Variants in KCND3 observed in about 807,000 individuals in gnomAD.
KCND3 encodes potassium voltage-gated channel subfamily D member 3, also known as A-type voltage-gated potassium channel KCND3.
KCND3 carries 9 observed loss-of-function variants against 51.1 expected under a neutral mutation model. The ratio of observed to expected loss-of-function variants is 0.18; its 90% CI spans 0.11 to 0.31. The LOEUF is 0.31. Ranked by LOEUF, KCND3 falls within the 10% of genes least tolerant of loss-of-function variation. The pLI is 1.00. For synonymous variants in KCND3, 349 were observed against 368.0 expected, an observed-to-expected ratio of 0.95 and a Z score of 0.59; for missense variants, 526 against 903.8, an observed-to-expected ratio of 0.58 and a Z score of 5.36.
intron 2 of KCND3, among the ~76,000 whole-genome samples, chr1:111,913,049 C>A (rs1387441638): frequency 2.0e-5 from 3 of 152,206 alleles, no homozygotes; most frequent in Admixed American, 6.5e-5. Flanking sequence ...TCACCCAGAG[C>A]AACTTCCAGT....
At chr1:111,855,648 G>T (rs1353129225) in intron 2 of KCND3, among the ~76,000 whole-genome samples, 10 of 152,088 alleles carry the variant, frequency 6.6e-5, no homozygotes, top group Non-Finnish European at 1.5e-4. Flanking sequence ...TCTCTATATG[G>T]GTCTAGGAGG....
chr1:111,803,794 A>C (rs1357701834), intron 2 of KCND3, among the ~76,000 whole-genome samples: 1 of 152,168 alleles, frequency 6.6e-6, no homozygotes, highest in Non-Finnish European at 1.5e-5. Context: ...ATACATTTGA[A>C]ATTTTCCATA....
At chr1:111,878,063 A>C (rs915059382) in intron 2 of KCND3, among the ~76,000 whole-genome samples, 1 of 152,238 alleles carries the variant, frequency 6.6e-6, no homozygotes, top group African/African-American at 2.4e-5. Context: ...CAACTTGCCC[A>C]AGGTCACACA....
intron 2 of KCND3, among the ~76,000 whole-genome samples, chr1:111,979,185 G>A (rs902952722): frequency 5.9e-5 from 9 of 152,146 alleles, no homozygotes; most frequent in African/African-American, 2.2e-4. Flanking sequence ...CCTAGTGCAG[G>A]CACCTTTCCT....
chr1:111,811,660 T>C (rs1000681577), intron 2 of KCND3, among the ~76,000 whole-genome samples: 10 of 152,236 alleles, frequency 6.6e-5, no homozygotes, highest in Non-Finnish European at 1.3e-4. Flanking sequence ...CCATGGACTC[T>C]CTGCCTCTCC....
intron 2 of KCND3, among the ~76,000 whole-genome samples, chr1:111,867,000 T>A (rs1668608560): frequency 6.6e-6 from 1 of 152,174 alleles, no homozygotes; most frequent in Non-Finnish European, 1.5e-5. Context: ...AAAATATTTT[T>A]TATTGCTTTT....
chr1:111,789,269 T>G (rs1471783174), intron 2 of KCND3, among the ~76,000 whole-genome samples: 2 of 152,222 alleles, frequency 1.3e-5, no homozygotes, highest in Non-Finnish European at 2.9e-5. Flanking sequence ...GGTCTGCTAG[T>G]GACAGATGAC....
chr1:111,790,020 G>A (rs1162206852), intron 2 of KCND3, among the ~76,000 whole-genome samples: 2 of 152,298 alleles, frequency 1.3e-5, no homozygotes, highest in South Asian at 2.1e-4. Context: ...ATGTTAAAAT[G>A]TCTCCTTTAA....
At chr1:111,777,377 G>A in intron 6 of KCND3, 104 bp from the exon 7 acceptor site, 2 of 1,270,436 alleles carry the variant, frequency 1.6e-6, no homozygotes, top group Non-Finnish European at 2.3e-6. Context: ...GACCTTGAAG[G>A]AAGGGCTCCC....
chr1:111,812,748 A>AGCTAAG (rs1216069293), intron 2 of KCND3, among the ~76,000 whole-genome samples: 1 of 152,314 alleles, frequency 6.6e-6, no homozygotes, highest in East Asian at 1.9e-4. Context: ...TGAGTATCTG[A>AGCTAAG]GCTAAAGCCC....
At chr1:111,787,628 G>C (rs1664661247) in intron 2 of KCND3, among the ~76,000 whole-genome samples, 1 of 152,214 alleles carries the variant, frequency 6.6e-6, no homozygotes, top group African/African-American at 2.4e-5. Flanking sequence ...GCAGGGGCCA[G>C]ATCATGCAGC....
rs755994176 is a variant in KCND3 at position 111,982,637 on chromosome 1, G to A, written c.90C>T (p.Ala30=). The A allele has an allele frequency of 1.2e-6, 2 of 1,613,770 alleles. No individual in the cohort carries two copies. Among genetic ancestry groups the A allele is most frequent in the South Asian group, 2.2e-5 (2 of 91,054 alleles). ...MPVANCPMPL[A]PADKNKRQDE... is the part of the protein sequence containing the mutation. Reference sequence around the variant, plus strand: ...CCTGCCGCTTGTTCTTGTCGGCCGGGGCCAGGGGCATGGGGCAGTTGGCCA... The same window carrying A: ...CCTGCCGCTTGTTCTTGTCGGCCGGAGCCAGGGGCATGGGGCAGTTGGCCA... Residue 30 remains alanine (A), a synonymous_variant, in exon 2 of 8, where the codon GCC becomes GCT. Transcript: ENST00000302127. The surrounding 1 kb of genome is among the most constrained non-coding windows in gnomAD (Gnocchi z 8.5).
chr1:111,948,802 G>A (rs1672914550), intron 2 of KCND3, among the ~76,000 whole-genome samples: 1 of 152,064 alleles, frequency 6.6e-6, no homozygotes, highest in Non-Finnish European at 1.5e-5. Flanking sequence ...GAGGGACAGG[G>A]AAGTGGGGAA....
chr1:111,881,044 A>G (rs1207205226), intron 2 of KCND3, among the ~76,000 whole-genome samples: 1 of 152,074 alleles, frequency 6.6e-6, no homozygotes, highest in Admixed American at 6.5e-5. Context: ...CAGCTCTCCC[A>G]TCTCAGCTGC....
rs141154966 is a variant in KCND3 at position 111,854,795 on chromosome 1, C to T, written c.1107-67689G>A. Among the ~76,000 whole-genome samples, 55 of 152,332 alleles carry T rather than the reference C, an allele frequency of 3.6e-4. No individual in the cohort carries two copies. In the East Asian group the frequency reaches 6.9e-3, roughly 19 times the overall value. On this transcript the variant is annotated intron_variant, in intron 2 of 7. Coordinates refer to ENST00000302127, the MANE Select transcript of KCND3 (RefSeq NM_001378969.1). ...GACTAAGGCCTCGAGTTACCAAAAGCACTGCCTGTGTTTCCCCACTGGTTA... is the reference window on the plus strand; with the variant it reads ...GACTAAGGCCTCGAGTTACCAAAAGTACTGCCTGTGTTTCCCCACTGGTTA...
intron 1 of KCND3, among the ~76,000 whole-genome samples, chr1:111,987,092 C>G: frequency 6.6e-6 from 1 of 152,070 alleles, no homozygotes; most frequent in East Asian, 1.9e-4. Flanking sequence ...CCTGTGTGGC[C>G]AGACACACAG....
intron 2 of KCND3, among the ~76,000 whole-genome samples, chr1:111,787,837 G>A (rs1664672743): frequency 6.6e-6 from 1 of 152,188 alleles, no homozygotes; most frequent in South Asian, 2.1e-4. Context: ...TGTGAACTTT[G>A]TATTCTTATC....
intron 2 of KCND3, among the ~76,000 whole-genome samples, chr1:111,790,342 T>A (rs1431687742): frequency 6.6e-6 from 1 of 152,240 alleles, no homozygotes; most frequent in Non-Finnish European, 1.5e-5. Context: ...TTTGAATAAC[T>A]GTAAATTGTC....
chr1:111,860,724 T>C (rs1344251942), intron 2 of KCND3, among the ~76,000 whole-genome samples: 2 of 152,230 alleles, frequency 1.3e-5, no homozygotes, highest in African/African-American at 4.8e-5. Context: ...GTTCTGTCCT[T>C]GCCCATGACA....
Sources: allele counts gnomAD v4.1 joint callset (sites outside exome capture counted in the v4.1 genomes callset), GRCh38; gene constraint gnomAD v4.1.1; non-coding constraint Gnocchi (gnomAD v3.1); transcripts MANE v1.5; gene names NCBI Gene and HGNC (gene_info 2026-07-23, HGNC 2026-07-21).